Variants in ANO2 observed in about 807,000 individuals in gnomAD.
ANO2 encodes anoctamin-2.
Under a neutral mutation model 124.2 loss-of-function variants are expected in ANO2, and 101 were observed. The observed-to-expected ratio is 0.81, with a 90% CI of 0.69 to 0.96. The LOEUF is 0.96. ANO2 is among the 40% of genes least tolerant of loss of function. The pLI is 0.00. For missense variants in ANO2, 1,293 were observed against 1,274.5 expected (o/e 1.01, Z -0.22); for synonymous variants, 486 against 482.5 (o/e 1.01, Z -0.09).
At chr12:5,603,375 T>C (rs7969805) in intron 19 of ANO2, among the ~76,000 whole-genome samples, 44,729 of 152,090 alleles carry the variant, frequency 0.29, 6,733 homozygotes, top group Non-Finnish European at 0.34. Context: ...TATGAGAACA[T>C]AAAAGTCCTA....
chr12:5,722,228 C>T (rs776364838), intron 14 of ANO2, among the ~76,000 whole-genome samples: 1 of 152,074 alleles, frequency 6.6e-6, no homozygotes, highest in Non-Finnish European at 1.5e-5. Context: ...AAGTACTGGC[C>T]GGGCACGGGG....
chr12:5,783,860 G>A (rs900192292), intron 10 of ANO2, among the ~76,000 whole-genome samples: 4 of 152,070 alleles, frequency 2.6e-5, no homozygotes, highest in African/African-American at 4.8e-5. Context: ...CCCCACTTCC[G>A]CAAGGCCCTG....
chr12:5,836,531 C>T (rs1954324023), intron 4 of ANO2, among the ~76,000 whole-genome samples: 1 of 152,166 alleles, frequency 6.6e-6, no homozygotes, highest in South Asian at 2.1e-4. Flanking sequence ...AAAATCTAAT[C>T]TTCTTGCCTC....
intron 13 of ANO2, among the ~76,000 whole-genome samples, chr12:5,738,924 T>C (rs1950982083): frequency 6.6e-6 from 1 of 152,180 alleles, no homozygotes; most frequent in African/African-American, 2.4e-5. Flanking sequence ...AACCAGCACC[T>C]GACACCCTGC....
chr12:5,717,208 C>A (rs1950054953), intron 14 of ANO2, among the ~76,000 whole-genome samples: 1 of 152,208 alleles, frequency 6.6e-6, no homozygotes, highest in Non-Finnish European at 1.5e-5. Flanking sequence ...CAGCACAGAG[C>A]AAGCCCTTGG....
At chr12:5,786,666 G>A (rs556279673) in intron 10 of ANO2, among the ~76,000 whole-genome samples, 13 of 152,170 alleles carry the variant, frequency 8.5e-5, no homozygotes, top group South Asian at 2.1e-4. Context: ...CTGCACATCC[G>A]ATCATATTCT....
chr12:5,648,698 A>G lies in ANO2; in HGVS notation c.1546-897T>C, dbSNP rs1343482046. Among the ~76,000 whole-genome samples, 3 of 152,346 alleles carry G rather than the reference A, an allele frequency of 2.0e-5. No individual in the cohort carries two copies. The East Asian group carries it at 5.8e-4, about 29-fold the overall frequency. On this transcript the variant is annotated intron_variant, in intron 14 of 24. Transcript: ENST00000682330. Reference sequence around the variant, plus strand: ...AGTTCTATAAAATTAGAATTGATACAGCTGTCCTGCCTACTACACAAGGTA... The same window carrying G: ...AGTTCTATAAAATTAGAATTGATACGGCTGTCCTGCCTACTACACAAGGTA...
chr12:5,670,126 T>C (rs1947920628), intron 14 of ANO2, among the ~76,000 whole-genome samples: 1 of 152,206 alleles, frequency 6.6e-6, no homozygotes, highest in African/African-American at 2.4e-5. Flanking sequence ...GGTTCTAGGA[T>C]AGCACCATAT....
intron 3 of ANO2, among the ~76,000 whole-genome samples, chr12:5,918,594 C>A (rs1941515433): frequency 6.6e-6 from 1 of 152,106 alleles, no homozygotes; most frequent in South Asian, 2.1e-4. Flanking sequence ...CAAGCACCAT[C>A]ACGCCTGGCT....
intron 1 of ANO2, among the ~76,000 whole-genome samples, chr12:5,937,644 A>AT (rs922116326): frequency 2.2e-4 from 32 of 148,694 alleles, no homozygotes; most frequent in Admixed American, 2.7e-4. Context: ...GGGGGTTGGA[A>AT]TTTTTTTTTT....
chr12:5,630,222 A>C (rs1243633273), intron 16 of ANO2, among the ~76,000 whole-genome samples: 1 of 152,176 alleles, frequency 6.6e-6, no homozygotes, highest in Non-Finnish European at 1.5e-5. Context: ...CTATCAAGAG[A>C]TCTGGGGCAG....
At chr12:5,823,184 CAG>C (rs1953860460) in intron 7 of ANO2, among the ~76,000 whole-genome samples, 1 of 152,206 alleles carries the variant, frequency 6.6e-6, no homozygotes, top group African/African-American at 2.4e-5. Context: ...GCCTTCCCAA[CAG>C]AGTCTTAACT....
At chr12:5,575,693 G>A (rs796562739) in intron 23 of ANO2, 141 bp downstream of exon 23, 28 of 920,738 alleles carry the variant, frequency 3.0e-5, no homozygotes, top group Middle Eastern at 2.4e-4. Flanking sequence ...ATAATCTTAC[G>A]GGACAATCGC....
intron 19 of ANO2, among the ~76,000 whole-genome samples, chr12:5,601,817 G>A (rs1943954689): frequency 6.6e-6 from 1 of 152,236 alleles, no homozygotes; most frequent in African/African-American, 2.4e-5. Flanking sequence ...TGTGAGGAAT[G>A]TTGATGAATA....
chr12:5,619,546 A>G (rs1945006069), intron 16 of ANO2, among the ~76,000 whole-genome samples: 1 of 152,136 alleles, frequency 6.6e-6, no homozygotes, highest in Non-Finnish European at 1.5e-5. Flanking sequence ...TGGGGGCAAT[A>G]TGAAGGAGCT....
At chr12:5,742,305 A>C (rs1175434387) in intron 12 of ANO2, among the ~76,000 whole-genome samples, 1 of 152,230 alleles carries the variant, frequency 6.6e-6, no homozygotes. Flanking sequence ...ATTTGTAGAC[A>C]ATCTGGCCTA....
intron 13 of ANO2, among the ~76,000 whole-genome samples, chr12:5,738,489 G>T (rs1950965030): frequency 1.3e-5 from 2 of 152,168 alleles, no homozygotes. Flanking sequence ...ACTATTGAGA[G>T]TCCCTGCTTG....
At chr12:5,780,153 T>C (rs1328702035) in intron 10 of ANO2, among the ~76,000 whole-genome samples, 1 of 152,222 alleles carries the variant, frequency 6.6e-6, no homozygotes, top group Non-Finnish European at 1.5e-5. Context: ...ATACTCTTAA[T>C]TGGTTCAATA....
intron 3 of ANO2, among the ~76,000 whole-genome samples, chr12:5,891,889 A>G (rs908811039): frequency 6.6e-6 from 1 of 152,222 alleles, no homozygotes; most frequent in Admixed American, 6.5e-5. Flanking sequence ...TGTCCAGGAT[A>G]CAATTTAAAA....
Sources: allele counts gnomAD v4.1 joint callset (sites outside exome capture counted in the v4.1 genomes callset), GRCh38; gene constraint gnomAD v4.1.1; transcripts MANE v1.5; gene names NCBI Gene and HGNC (gene_info 2026-07-23, HGNC 2026-07-21).